STK33: variants seen among roughly 807,000 people sequenced by gnomAD.
The protein encoded by STK33 is serine/threonine kinase 33, also known as serine/threonine-protein kinase 33.
In STK33, 52 loss-of-function variants were observed where a neutral mutation model predicts 58.0. The ratio of observed to expected loss-of-function variants is 0.90; its 90% CI spans 0.72 to 1.13. The LOEUF (loss-of-function observed/expected upper bound fraction) is 1.13, where lower values mean the gene tolerates loss of function less well. Ranked by LOEUF, STK33 falls within the 50% of genes most tolerant of loss-of-function variation. The probability of loss-of-function intolerance (pLI) is 0.00; values close to 1 mark genes in which losing one functional copy is unlikely to be tolerated. For missense variants in STK33, 630 were observed against 604.2 expected, an observed-to-expected ratio of 1.04 and a Z score of -0.45; for synonymous variants, 215 against 200.1, an observed-to-expected ratio of 1.07 and a Z score of -0.63.
In STK33 at chr11:8,586,822, T is replaced by TA. The variant is rs56064924; in HGVS notation, c.-466+7260dup. Among the ~76,000 whole-genome samples the TA allele has an allele frequency of 2.9e-3, 224 of 78,232 alleles. 5 individuals carry two copies. The highest frequency in any genetic ancestry group is 8.3e-3 in the African/African-American group (161 of 19,408). 51.3% of individuals were successfully genotyped at this position (78,232 alleles called of 152,430 possible). A position where few individuals can be genotyped will look rare whatever the true frequency, so the allele number is the denominator to read the frequency against. On this transcript the variant is annotated intron_variant, in intron 1 of 15. Coordinates refer to ENST00000687296, the MANE Select transcript of STK33 (RefSeq NM_001352389.2). ...CTGGGTGACAGAGCAAGACTCTGTC[T>TA]AAAAAAAAAAAAAAAAAAAAAAAAA... is the stretch of plus-strand genomic sequence containing the variant.
At chr11:8,411,500 T>C (rs1940238057) in intron 15 of STK33, among the ~76,000 whole-genome samples, 1 of 152,232 alleles carries the variant, frequency 6.6e-6, no homozygotes, top group Non-Finnish European at 1.5e-5. Flanking sequence ...ACTTACCCTG[T>C]CTGCTAGTTT....
At chr11:8,374,013 A>G in the STK33 span, among the ~76,000 whole-genome samples, 4 of 152,166 alleles carry the variant, frequency 2.6e-5, no homozygotes, top group Admixed American at 2.0e-4. Flanking sequence ...CTGATACCCA[A>G]TTATGTAAGC....
At chr11:8,541,095 A>T (rs1201911067) in intron 1 of STK33, among the ~76,000 whole-genome samples, 1 of 151,966 alleles carries the variant, frequency 6.6e-6, no homozygotes, top group Non-Finnish European at 1.5e-5. Context: ...TTACAATGGA[A>T]AATAGATGAA....
chr11:8,410,764 C>T (rs771960606), intron 15 of STK33, among the ~76,000 whole-genome samples: 73 of 152,260 alleles, frequency 4.8e-4, no homozygotes, highest in Admixed American at 9.8e-4. Context: ...TGAACCACCA[C>T]GCCTGGCCTG....
rs1361574467 is a variant in STK33, at chr11:8,392,144, CTT to C, written c.*364_*365del. 1.8e-5 allele frequency: 4 copies of C among 221,666 alleles called. No individual in the cohort carries two copies. Among genetic ancestry groups the C allele is most frequent in the Admixed American group, 5.1e-5 (1 of 19,532 alleles). The allele number at this position is 221,666 out of a possible 1,614,324, so 13.7% of individuals were successfully genotyped here. A position where few individuals can be genotyped will look rare whatever the true frequency, so the allele number is the denominator to read the frequency against. On this transcript the variant is annotated 3_prime_UTR_variant, in exon 16 of 16. Transcript: ENST00000687296. ...GCACCTCCATTACTATATTTGGCCT[CTT>C]GTTTTCCCCTATAAATAGCTGTGCC...
chr11:8,519,239 C>CTACTGGGTACA lies in STK33; in HGVS notation c.-465-38636_-465-38626dup, dbSNP rs1470980591. Among the ~76,000 whole-genome samples the CTACTGGGTACA allele has an allele frequency of 4.6e-5, 7 of 152,288 alleles. No individual in the cohort carries two copies. In the East Asian group the frequency reaches 1.4e-3, roughly 29 times the overall value. ...AACTGAACAACCTGCTCCGGAATGA[C>CTACTGGGTACA]TACTGGGTACATAACGAAATGAAGG... is the stretch of plus-strand genomic sequence containing the variant. On this transcript the variant is annotated intron_variant, in intron 1 of 15. Transcript: ENST00000687296.
chr11:8,372,350 A>T, the STK33 span, among the ~76,000 whole-genome samples: 1 of 150,044 alleles, frequency 6.7e-6, no homozygotes, highest in Non-Finnish European at 1.5e-5. Context: ...GGGTCCTTAG[A>T]CCAAGATCCC....
intron 1 of STK33, among the ~76,000 whole-genome samples, chr11:8,523,670 C>A (rs1183174635): frequency 6.6e-6 from 1 of 150,902 alleles, no homozygotes; most frequent in Non-Finnish European, 1.5e-5. Flanking sequence ...GGGGGGCAGC[C>A]CCCGCCAGGC....
At chr11:8,454,009 T>G (rs1946576108) in intron 10 of STK33, among the ~76,000 whole-genome samples, 1 of 152,098 alleles carries the variant, frequency 6.6e-6, no homozygotes, top group Non-Finnish European at 1.5e-5. Context: ...CAGGCACTAC[T>G]TCAGGTACTA....
At chr11:8,431,701 AC>A (rs1213774654) in intron 14 of STK33, among the ~76,000 whole-genome samples, 2 of 152,218 alleles carry the variant, frequency 1.3e-5, no homozygotes, top group African/African-American at 4.8e-5. Flanking sequence ...AGACTGATGC[AC>A]TTTAACAATA....
intron 7 of STK33, among the ~76,000 whole-genome samples, chr11:8,462,291 A>G (rs779758668): frequency 1.3e-5 from 2 of 151,948 alleles, no homozygotes; most frequent in Admixed American, 6.6e-5. Context: ...TGATGTTAGC[A>G]TAATAAAAAC....
At chr11:8,355,074 C>A in the STK33 span, among the ~76,000 whole-genome samples, 5 of 152,244 alleles carry the variant, frequency 3.3e-5, no homozygotes, top group African/African-American at 1.2e-4. Flanking sequence ...CTGCTAATTG[C>A]GGCTTCTGAG....
chr11:8,353,010 A>G, the STK33 span, among the ~76,000 whole-genome samples: 1 of 152,234 alleles, frequency 6.6e-6, no homozygotes, highest in Admixed American at 6.5e-5. Flanking sequence ...GCGTGCTGCT[A>G]GCTGACGGGA....
the STK33 span, among the ~76,000 whole-genome samples, chr11:8,356,921 C>T: frequency 1.3e-5 from 2 of 152,174 alleles, no homozygotes; most frequent in African/African-American, 4.8e-5. Flanking sequence ...AGGAGCCTGA[C>T]CCCAAGTTGG....
chr11:8,503,386 T>C (rs61447809), intron 1 of STK33, among the ~76,000 whole-genome samples: 43,470 of 151,846 alleles, frequency 0.29, 6,337 homozygotes, highest in Middle Eastern at 0.37. Flanking sequence ...AAACACGGCA[T>C]GTTCTCACTT....
chr11:8,562,730 GTTACTA>G (rs969752603), intron 1 of STK33, among the ~76,000 whole-genome samples: 2 of 151,970 alleles, frequency 1.3e-5, no homozygotes, highest in African/African-American at 4.8e-5. Context: ...AGAAGTAATA[GTTACTA>G]TTACAATTCT....
intron 1 of STK33, among the ~76,000 whole-genome samples, chr11:8,572,089 T>G (rs1591844642): frequency 6.6e-6 from 1 of 151,108 alleles, no homozygotes. Flanking sequence ...AAAAAAACTA[T>G]CCAAGGCTCG....
chr11:8,342,183 G>A, the STK33 span, among the ~76,000 whole-genome samples: 1 of 152,232 alleles, frequency 6.6e-6, no homozygotes, highest in Non-Finnish European at 1.5e-5. Context: ...ATTCTCATTT[G>A]TGATTGGCTA....
At chr11:8,448,419 T>C (rs1242973640) in intron 11 of STK33, among the ~76,000 whole-genome samples, 1 of 152,198 alleles carries the variant, frequency 6.6e-6, no homozygotes, top group African/African-American at 2.4e-5. Context: ...AGCATGGTAC[T>C]GGTCCCAAAA....
Sources: gnomAD v4.1 joint callset for allele counts (sites outside exome capture counted in the v4.1 genomes callset) on GRCh38, gnomAD v4.1.1 for gene constraint, MANE v1.5 for transcripts, NCBI Gene and HGNC (gene_info 2026-07-23, HGNC 2026-07-21) for gene names.